CDH12: variants seen among roughly 807,000 people sequenced by gnomAD.
CDH12 encodes the protein cadherin-12.
A neutral mutation model predicts 74.1 loss-of-function variants in CDH12; 41 were observed. That is an observed-to-expected ratio of 0.55 (90% CI 0.43 to 0.72). CDH12 has a LOEUF of 0.72. Ranked by LOEUF, CDH12 falls within the 30% of genes least tolerant of loss-of-function variation. CDH12 has a pLI of 0.00. For missense variants in CDH12, 945 were observed against 977.2 expected, an observed-to-expected ratio of 0.97 and a Z score of 0.44; for synonymous variants, 399 against 355.0, an observed-to-expected ratio of 1.12 and a Z score of -1.39.
At chr5:22,120,689 T>C (rs1745457506) in intron 4 of CDH12, among the ~76,000 whole-genome samples, 1 of 152,176 alleles carries the variant, frequency 6.6e-6, no homozygotes, top group African/African-American at 2.4e-5. Flanking sequence ...ATTTGGCATT[T>C]GTTTTTGACA....
At chr5:22,355,574 CAT>C (rs1163070318) in intron 3 of CDH12, among the ~76,000 whole-genome samples, 1 of 149,758 alleles carries the variant, frequency 6.7e-6, no homozygotes, top group Non-Finnish European at 1.5e-5. Context: ...AAAATGAAAA[CAT>C]AGCAATATCT....
chr5:22,340,351 C>A (rs1739789054), intron 3 of CDH12, among the ~76,000 whole-genome samples: 1 of 151,898 alleles, frequency 6.6e-6, no homozygotes, highest in Admixed American at 6.6e-5. Context: ...AAGGTGAAAC[C>A]CCATCTCTAC....
intron 1 of CDH12, among the ~76,000 whole-genome samples, chr5:22,524,442 T>C (rs2126691145): frequency 6.6e-6 from 1 of 152,362 alleles, no homozygotes; most frequent in Non-Finnish European, 1.5e-5. Context: ...GGCAATTATG[T>C]GTCTCATTGT....
chr5:22,096,664 T>C (rs1023205823), intron 4 of CDH12, among the ~76,000 whole-genome samples: 13 of 152,046 alleles, frequency 8.6e-5, no homozygotes, highest in African/African-American at 1.4e-4. Context: ...GCTAAAGGCA[T>C]AGTTAAGTTT....
At chr5:22,438,372 C>T (rs974751815) in intron 2 of CDH12, among the ~76,000 whole-genome samples, 2 of 151,910 alleles carry the variant, frequency 1.3e-5, no homozygotes, top group Admixed American at 6.6e-5. Context: ...TTGGTAGATC[C>T]TCACCAAGGA....
At chr5:22,414,554 T>C (rs1344051666) in intron 2 of CDH12, among the ~76,000 whole-genome samples, 3 of 151,960 alleles carry the variant, frequency 2.0e-5, no homozygotes, top group Admixed American at 2.0e-4. Flanking sequence ...AGGGTTGAAA[T>C]GTAAGGTTCT....
At chr5:22,657,660 CAAAT>C (rs1365226534) in intron 1 of CDH12, among the ~76,000 whole-genome samples, 1 of 152,136 alleles carries the variant, frequency 6.6e-6, no homozygotes, top group Non-Finnish European at 1.5e-5. Flanking sequence ...TTATCACTAA[CAAAT>C]GAATTATAAT....
At chr5:21,813,134 T>A (rs1747843183) in intron 9 of CDH12, among the ~76,000 whole-genome samples, 1 of 152,162 alleles carries the variant, frequency 6.6e-6, no homozygotes, top group Admixed American at 6.6e-5. Context: ...TTGCTTTCAT[T>A]ATTTCCTAGT....
chr5:22,730,366 G>C (rs1561608506), intron 1 of CDH12, among the ~76,000 whole-genome samples: 1 of 151,628 alleles, frequency 6.6e-6, no homozygotes, highest in Non-Finnish European at 1.5e-5. Flanking sequence ...TTTTTCATGA[G>C]CTATATTTGT....
intron 3 of CDH12, among the ~76,000 whole-genome samples, chr5:22,229,520 G>T (rs1294100829): frequency 6.6e-6 from 1 of 151,564 alleles, no homozygotes. Flanking sequence ...TTCAAATCAT[G>T]GAAATTAGAT....
At chr5:22,814,096 A>G (rs1749275663) in intron 1 of CDH12, among the ~76,000 whole-genome samples, 1 of 152,174 alleles carries the variant, frequency 6.6e-6, no homozygotes, top group Non-Finnish European at 1.5e-5. Context: ...AAAGAGGAAT[A>G]CTTGAGTATT....
chr5:22,584,719 T>A (rs919130424), intron 1 of CDH12, among the ~76,000 whole-genome samples: 1 of 152,270 alleles, frequency 6.6e-6, no homozygotes, highest in South Asian at 2.1e-4. Context: ...TCTGATTACT[T>A]TTTGTCATTC....
intron 6 of CDH12, chr5:21,882,746 C>T (rs571330048): frequency 1.1e-5 from 17 of 1,604,184 alleles, no homozygotes; most frequent in Admixed American, 5.0e-5. Context: ...ATGCTGTGGC[C>T]GTTACAATGG....
At chr5:22,262,263 C>T (rs1236185102) in intron 3 of CDH12, among the ~76,000 whole-genome samples, 1 of 108,958 alleles carries the variant, frequency 9.2e-6, no homozygotes, top group Non-Finnish European at 1.8e-5. Flanking sequence ...TGCTATCCCT[C>T]CCCCCTCCCC....
chr5:21,769,999 A>G (rs376508199), intron 11 of CDH12, among the ~76,000 whole-genome samples: 8 of 152,170 alleles, frequency 5.3e-5, no homozygotes, highest in African/African-American at 1.9e-4. Context: ...TCAACGCTCT[A>G]TGATAGCTAT....
At chr5:22,690,873 C>G (rs1742046423) in intron 1 of CDH12, among the ~76,000 whole-genome samples, 1 of 152,052 alleles carries the variant, frequency 6.6e-6, no homozygotes, top group African/African-American at 2.4e-5. Flanking sequence ...TCTCATGAGA[C>G]AGTTTTCAGG....
intron 1 of CDH12, among the ~76,000 whole-genome samples, chr5:22,711,479 A>G (rs560313538): frequency 6.6e-6 from 1 of 152,210 alleles, no homozygotes; most frequent in East Asian, 1.9e-4. Context: ...TTGCTAAGAA[A>G]CAAAGGTCAT....
intron 3 of CDH12, among the ~76,000 whole-genome samples, chr5:22,283,290 A>G (rs1736996253): frequency 6.7e-6 from 1 of 148,670 alleles, no homozygotes. Flanking sequence ...ACACACATAT[A>G]TATATAGCAT....
chr5:22,519,253 G>GT (rs952041188), intron 1 of CDH12, among the ~76,000 whole-genome samples: 2 of 151,978 alleles, frequency 1.3e-5, no homozygotes, highest in African/African-American at 4.8e-5. Flanking sequence ...ATCTATTTAT[G>GT]TTTTTTTAAA....
Sources: allele counts gnomAD v4.1 joint callset (sites outside exome capture counted in the v4.1 genomes callset), GRCh38; gene constraint gnomAD v4.1.1; transcripts MANE v1.5; gene names NCBI Gene and HGNC (gene_info 2026-07-23, HGNC 2026-07-21).